Variants in AGO2 observed in about 807,000 individuals in gnomAD.
AGO2 encodes protein argonaute-2.
AGO2 carries 5 observed loss-of-function variants against 102.3 expected under a neutral mutation model. The observed-to-expected ratio is 0.05, with a 90% CI of 0.03 to 0.10. AGO2 has a LOEUF of 0.10. Ranked by LOEUF, AGO2 falls within the 10% of genes least tolerant of loss-of-function variation. The pLI is 1.00. For synonymous variants in AGO2, 449 were observed against 473.1 expected, an observed-to-expected ratio of 0.95 and a Z score of 0.66; for missense variants, 541 against 1,183.7, an observed-to-expected ratio of 0.46 and a Z score of 7.97.
At chr8:140,630,839 C>T (rs2152111379) in intron 1 of AGO2, among the ~76,000 whole-genome samples, 1 of 152,336 alleles carries the variant, frequency 6.6e-6, no homozygotes, top group East Asian at 1.9e-4. Flanking sequence ...AAGGGACCTG[C>T]CCCAACACTC....
chr8:140,640,058 G>A (rs1392619005), upstream of AGO2, among the ~76,000 whole-genome samples: 1 of 152,088 alleles, frequency 6.6e-6, no homozygotes, highest in East Asian at 1.9e-4. Context: ...TCCTAGGCTG[G>A]AGAGCAGTGG....
chr8:140,578,659 A>T (rs903265381), intron 2 of AGO2, among the ~76,000 whole-genome samples: 2 of 152,228 alleles, frequency 1.3e-5, no homozygotes, highest in Non-Finnish European at 2.9e-5. Context: ...TCCGTCCACC[A>T]GTGGGGCCCC....
At chr8:140,621,299 T>C (rs1290918635) in intron 1 of AGO2, among the ~76,000 whole-genome samples, 1 of 152,176 alleles carries the variant, frequency 6.6e-6, no homozygotes, top group Non-Finnish European at 1.5e-5. Flanking sequence ...TCCAGGCCAC[T>C]TTCCTGCCCC....
intron 3 of AGO2, among the ~76,000 whole-genome samples, chr8:140,566,928 G>T (rs1174233833): frequency 6.6e-6 from 1 of 152,210 alleles, no homozygotes; most frequent in Admixed American, 6.5e-5. Flanking sequence ...GTGAGCTTGG[G>T]AGTGGGAGAG....
intron 1 of AGO2, among the ~76,000 whole-genome samples, chr8:140,619,535 G>A (rs562191851): frequency 2.6e-5 from 4 of 152,322 alleles, no homozygotes; most frequent in South Asian, 2.1e-4. Flanking sequence ...AGGAAGCCGC[G>A]GGAGGCCTGA....
chr8:140,641,994 A>T, the AGO2 span, among the ~76,000 whole-genome samples: 1 of 152,170 alleles, frequency 6.6e-6, no homozygotes, highest in East Asian at 1.9e-4. Context: ...GTGAACTGTG[A>T]TCACGCCACT....
chr8:140,614,838 C>T (rs1474732197), intron 1 of AGO2, among the ~76,000 whole-genome samples: 2 of 152,196 alleles, frequency 1.3e-5, no homozygotes, highest in South Asian at 2.1e-4. Context: ...ACTCAGCATT[C>T]GCCGTGCCCT....
upstream of AGO2, among the ~76,000 whole-genome samples, chr8:140,640,194 G>C (rs1426405023): frequency 6.6e-6 from 1 of 152,104 alleles, no homozygotes; most frequent in Non-Finnish European, 1.5e-5. Flanking sequence ...ATTTTTAGTA[G>C]AGATGGGGTT....
At chr8:140,641,283 A>C in the AGO2 span, among the ~76,000 whole-genome samples, 2 of 143,058 alleles carry the variant, frequency 1.4e-5, no homozygotes, top group Non-Finnish European at 3.0e-5. Context: ...ATAGAGCAAG[A>C]CGCTGTCTCA....
Position 140,563,342 on chromosome 8 carries a change from C to T in AGO2, c.337-708G>A, listed in dbSNP as rs552526013. Among the ~76,000 whole-genome samples, 4 of 152,318 alleles carry T rather than the reference C, an allele frequency of 2.6e-5. No homozygotes were observed. The East Asian group carries it at 5.8e-4, about 22-fold the overall frequency. On this transcript the variant is annotated intron_variant, in intron 3 of 18. Transcript: ENST00000220592. ...ACCTCTTAGGCTCAAGGGATCCTTTCGCCTTGGCCTTCCAAGTAGCTGGAA... is the reference window on the plus strand; with the variant it reads ...ACCTCTTAGGCTCAAGGGATCCTTTTGCCTTGGCCTTCCAAGTAGCTGGAA...
At chr8:140,547,135 A>AGCT (rs751661140) in intron 13 of AGO2, among the ~76,000 whole-genome samples, 33 of 152,144 alleles carry the variant, frequency 2.2e-4, no homozygotes, top group African/African-American at 6.3e-4. Context: ...TCCACACGGT[A>AGCT]GCTGCTGCTG....
chr8:140,641,467 C>A, the AGO2 span, among the ~76,000 whole-genome samples: 1 of 152,102 alleles, frequency 6.6e-6, no homozygotes, highest in Admixed American at 6.5e-5. Flanking sequence ...ATCATTCTTA[C>A]CTAGTATCAT....
chr8:140,591,190 T>C (rs1264885019), intron 1 of AGO2, among the ~76,000 whole-genome samples: 1 of 152,268 alleles, frequency 6.6e-6, no homozygotes, highest in Admixed American at 6.5e-5. Context: ...GCGCGGTTCC[T>C]GGAAGGCTTT....
intron 17 of AGO2, 62 bp from the exon 18 acceptor site, chr8:140,532,677 GAGA>G: frequency 6.7e-7 from 1 of 1,499,310 alleles, no homozygotes; most frequent in Non-Finnish European, 9.2e-7. Flanking sequence ...GGATACTGTG[GAGA>G]AGATTTATAT....
chr8:140,635,434 G>A lies in AGO2; in HGVS notation c.22+51C>T, dbSNP rs1032874772. 144 of 978,502 alleles carry A rather than the reference G, an allele frequency of 1.5e-4. No individual in the cohort carries two copies. In the African/African-American group the frequency reaches 2.4e-3, roughly 16 times the overall value. 60.6% of individuals were successfully genotyped at this position (978,502 alleles called of 1,614,324 possible). A position where few individuals can be genotyped will look rare whatever the true frequency, so the allele number is the denominator to read the frequency against. On this transcript the variant is annotated intron_variant, in intron 1 of 18. Coordinates refer to ENST00000220592, the MANE Select transcript of AGO2 (RefSeq NM_012154.5). ...CGCCCGCGCCGGGCCCGCCAACCAC[G>A]GGCAGGAGCGCGCGAACGGCCGGGC... is the stretch of plus-strand genomic sequence containing the variant.
intron 1 of AGO2, among the ~76,000 whole-genome samples, chr8:140,599,017 G>A (rs2073890084): frequency 6.6e-6 from 1 of 152,198 alleles, no homozygotes; most frequent in Non-Finnish European, 1.5e-5. Flanking sequence ...CTCACGCTGA[G>A]GCCACTCTAC....
At position 140,610,698 on chromosome 8, in the gene AGO2, G is replaced by A. The variant is rs777476838; in HGVS notation, c.22+24787C>T. Among the ~76,000 whole-genome samples, 102 of 152,198 alleles carry A rather than the reference G, an allele frequency of 6.7e-4. 1 individual carries two copies. Among genetic ancestry groups the A allele is most frequent in the Admixed American group, 4.6e-3 (70 of 15,288 alleles). ...GGCCCAGCCTAGGCTGGTTCCTGAA[G>A]GCGACAGGCCCCTGGGCCCCACTGT... On this transcript the variant is annotated intron_variant, in intron 1 of 18. Coordinates refer to ENST00000220592, the MANE Select transcript of AGO2 (RefSeq NM_012154.5).
intron 1 of AGO2, among the ~76,000 whole-genome samples, chr8:140,617,552 C>T (rs888689739): frequency 2.0e-5 from 3 of 152,262 alleles, no homozygotes; most frequent in Non-Finnish European, 4.4e-5. Context: ...TGCGCCTGGC[C>T]GAGAAACACC....
chr8:140,574,711 A>G (rs1365430490), intron 2 of AGO2, among the ~76,000 whole-genome samples: 7 of 152,102 alleles, frequency 4.6e-5, no homozygotes, highest in African/African-American at 1.7e-4. Flanking sequence ...TGGGGTGCTT[A>G]ACATCTTGAT....
Sources: gnomAD v4.1 joint callset for allele counts (sites outside exome capture counted in the v4.1 genomes callset) on GRCh38, gnomAD v4.1.1 for gene constraint, MANE v1.5 for transcripts, NCBI Gene and HGNC (gene_info 2026-07-23, HGNC 2026-07-21) for gene names.